The following VPS41 variants were observed in gnomAD, a reference collection of about 807,000 sequenced individuals.
VPS41 encodes vacuolar protein sorting-associated protein 41 homolog.
VPS41 carries 85 observed loss-of-function variants against 130.9 expected under a neutral mutation model. That is an observed-to-expected ratio of 0.65 (90% CI 0.55 to 0.78). The LOEUF is 0.78. VPS41 is among the 30% of genes least tolerant of loss of function. The pLI, the probability that VPS41 is intolerant of heterozygous loss-of-function variation, is 0.00. For missense variants in VPS41, 874 were observed against 1,018.7 expected (o/e 0.86, Z 1.93); for synonymous variants, 335 against 332.9 (o/e 1.01, Z -0.07).
intron 4 of VPS41, among the ~76,000 whole-genome samples, chr7:38,862,333 AT>A (rs1336052986): frequency 6.6e-6 from 1 of 152,234 alleles, no homozygotes; most frequent in East Asian, 1.9e-4. Context: ...CAGTCAAAAT[AT>A]ATAATGCATG....
intron 7 of VPS41, among the ~76,000 whole-genome samples, chr7:38,815,182 G>A (rs113960380): frequency 0.02 from 3,011 of 152,254 alleles, 105 homozygotes; most frequent in African/African-American, 0.068. Context: ...CCAACGCTTT[G>A]GGAGGCCGAG....
chr7:38,754,873 T>C (rs776654804), intron 20 of VPS41, 22 bp downstream of exon 20: 2 of 1,611,376 alleles, frequency 1.2e-6, no homozygotes, highest in Admixed American at 1.7e-5. Flanking sequence ...TGGTAACACA[T>C]ATAAAAACAA....
intron 11 of VPS41, 39 bp downstream of exon 11, chr7:38,776,640 A>AC: frequency 8.7e-7 from 1 of 1,154,890 alleles, no homozygotes; most frequent in Non-Finnish European, 1.3e-6. Flanking sequence ...CTAAAAGTGA[A>AC]CCCCCACATG....
chr7:38,821,431 G>A (rs982007823), intron 5 of VPS41, among the ~76,000 whole-genome samples, 166 bp from the exon 6 acceptor site: 5 of 152,132 alleles, frequency 3.3e-5, no homozygotes, highest in Admixed American at 6.5e-5. Flanking sequence ...AGCCACGTAC[G>A]GTGGCTCACG....
At chr7:38,727,174 T>C (rs1015770928) in intron 27 of VPS41, 186 bp from the exon 28 acceptor site, 14 of 443,364 alleles carry the variant, frequency 3.2e-5, no homozygotes, top group Non-Finnish European at 5.5e-5. Context: ...ATTATAATCA[T>C]GTTGCTATGC....
chr7:38,817,946 C>T (rs1347560920), intron 6 of VPS41, 64 bp from the exon 7 acceptor site: 9 of 1,255,002 alleles, frequency 7.2e-6, no homozygotes, highest in Middle Eastern at 1.9e-4. Flanking sequence ...AATGAAAACC[C>T]CTGACACAGT....
intron 7 of VPS41, among the ~76,000 whole-genome samples, chr7:38,816,075 CTT>C (rs1785042715): frequency 6.6e-6 from 1 of 152,174 alleles, no homozygotes; most frequent in South Asian, 2.1e-4. Flanking sequence ...TAATGCTACT[CTT>C]TCCTGAGGCT....
chr7:38,895,880 C>T (rs1786976778), intron 2 of VPS41, among the ~76,000 whole-genome samples: 1 of 152,172 alleles, frequency 6.6e-6, no homozygotes, highest in East Asian at 1.9e-4. Context: ...AAGAATGGGG[C>T]CCCCTTCTCA....
chr7:38,812,726 G>A (rs1010358996), intron 7 of VPS41, among the ~76,000 whole-genome samples: 15 of 151,952 alleles, frequency 9.9e-5, no homozygotes, highest in African/African-American at 3.1e-4. Context: ...AATAGGCGAA[G>A]AATCTGAATA....
intron 2 of VPS41, among the ~76,000 whole-genome samples, chr7:38,875,600 T>C (rs1414332713): frequency 1.3e-5 from 2 of 152,166 alleles, no homozygotes; most frequent in East Asian, 3.9e-4. Flanking sequence ...TCAAAACGTA[T>C]CAAGAAAACT....
At chr7:38,745,063 T>C (rs1303689037) in intron 23 of VPS41, among the ~76,000 whole-genome samples, 1 of 152,214 alleles carries the variant, frequency 6.6e-6, no homozygotes, top group Non-Finnish European at 1.5e-5. Context: ...GTATGCATGG[T>C]ACAAAAATTG....
chr7:38,778,604 T>C (rs941559910), intron 10 of VPS41, among the ~76,000 whole-genome samples: 2 of 152,198 alleles, frequency 1.3e-5, no homozygotes, highest in Non-Finnish European at 2.9e-5. Context: ...TCTGTTTTAC[T>C]AAATCACATT....
At chr7:38,904,638 T>C (rs1172296231) in intron 1 of VPS41, among the ~76,000 whole-genome samples, 1 of 152,212 alleles carries the variant, frequency 6.6e-6, no homozygotes, top group Non-Finnish European at 1.5e-5. Flanking sequence ...ACATACTTCA[T>C]ACTCACAAAA....
chr7:38,876,479 G>A (rs943820036), intron 2 of VPS41, among the ~76,000 whole-genome samples: 2 of 152,102 alleles, frequency 1.3e-5, no homozygotes, highest in East Asian at 1.9e-4. Flanking sequence ...GTAGAATGGG[G>A]ATGAAAATAG....
intron 1 of VPS41, among the ~76,000 whole-genome samples, chr7:38,905,960 A>C (rs1013580885): frequency 1.3e-5 from 2 of 150,878 alleles, no homozygotes; most frequent in East Asian, 3.9e-4. Flanking sequence ...TGCCTGACTA[A>C]TTTTTTTGTA....
At chr7:38,764,613 G>C (rs1419487231) in intron 16 of VPS41, among the ~76,000 whole-genome samples, 1 of 151,300 alleles carries the variant, frequency 6.6e-6, no homozygotes, top group Non-Finnish European at 1.5e-5. Context: ...GCCCCGATTG[G>C]TATTGACATG....
chr7:38,728,504 A>G (rs1443157382), intron 27 of VPS41, 38 bp downstream of exon 27: 2 of 1,613,148 alleles, frequency 1.2e-6, no homozygotes, highest in Non-Finnish European at 1.7e-6. Flanking sequence ...CATCATTAAA[A>G]TACATGTTTG....
chr7:38,812,005 G>T (rs1784951705), intron 7 of VPS41, among the ~76,000 whole-genome samples: 1 of 151,996 alleles, frequency 6.6e-6, no homozygotes, highest in Non-Finnish European at 1.5e-5. Flanking sequence ...ATTAAGGTAG[G>T]CTAGGCTAAG....
intron 17 of VPS41, among the ~76,000 whole-genome samples, chr7:38,759,480 TA>T (rs2115750956): frequency 6.6e-6 from 1 of 152,336 alleles, no homozygotes; most frequent in Admixed American, 6.5e-5. Context: ...ATTATATGAT[TA>T]AAAGTTTGTT....
Sources: allele counts gnomAD v4.1 joint callset (sites outside exome capture counted in the v4.1 genomes callset), GRCh38; gene constraint gnomAD v4.1.1; transcripts MANE v1.5; gene names NCBI Gene and HGNC (gene_info 2026-07-23, HGNC 2026-07-21).